The following MREG variants were observed in gnomAD, a reference collection of about 807,000 sequenced individuals.
MREG encodes the protein melanoregulin.
A neutral mutation model predicts 28.5 loss-of-function variants in MREG; 31 were observed. The observed-to-expected ratio is 1.09, with a 90% CI of 0.82 to 1.47. The LOEUF is 1.47. Among genes scored for constraint, MREG ranks in the 40% most tolerant of loss-of-function variants. The pLI is 0.00. For missense variants in MREG, 256 were observed against 257.4 expected (o/e 0.99, Z 0.04); for synonymous variants, 106 against 95.2 (o/e 1.11, Z -0.66).
At chr2:215,976,478 T>C (rs1693263735) in intron 2 of MREG, among the ~76,000 whole-genome samples, 1 of 152,188 alleles carries the variant, frequency 6.6e-6, no homozygotes, top group Non-Finnish European at 1.5e-5. Context: ...GAAATCACCA[T>C]CTACCACCAT....
At chr2:215,976,616 G>A (rs1693268213) in intron 2 of MREG, among the ~76,000 whole-genome samples, 1 of 152,188 alleles carries the variant, frequency 6.6e-6, no homozygotes, top group Admixed American at 6.5e-5. Flanking sequence ...AGCAACATCT[G>A]GAGTACAGGG....
At chr2:216,032,823 T>G (rs2105936793) in exon 1 of MREG, 1 of 152,316 alleles carries the variant, frequency 6.6e-6, no homozygotes, top group East Asian at 1.9e-4. Context: ...TTCCTGCTGG[T>G]TGGTCTTATT....
chr2:216,008,590 G>A (rs1434305107), intron 1 of MREG, among the ~76,000 whole-genome samples: 2 of 152,202 alleles, frequency 1.3e-5, no homozygotes, highest in Non-Finnish European at 2.9e-5. Flanking sequence ...GCCCTCTGCA[G>A]GCAATGAATG....
chr2:215,996,367 T>C lies in MREG; in HGVS notation c.194A>G (p.Asp65Gly). Residue 65 changes from aspartate (D) to glycine (G), a missense_variant, in exon 2 of 5, where the codon GAC becomes GGC. By Grantham distance (94) the Asp-to-Gly change is moderately conservative. Transcript: ENST00000263268. Reference sequence around the variant, plus strand: ...CAAATTGTACAGGGTTCTGTCGTCGTCTGCCTCTGTGTGGGACACATCATG... The same window carrying C: ...CAAATTGTACAGGGTTCTGTCGTCGCCTGCCTCTGTGTGGGACACATCATG... ...MPHDVSHTEA[D>G]DDRTLYNLIV... The C allele has an allele frequency of 6.2e-7, 1 of 1,614,076 alleles. No individual in the cohort carries two copies. The highest frequency in any genetic ancestry group is 8.5e-7 in the Non-Finnish European group (1 of 1,179,906).
At chr2:215,955,983 C>T (rs1446308762) in intron 2 of MREG, among the ~76,000 whole-genome samples, 1 of 152,170 alleles carries the variant, frequency 6.6e-6, no homozygotes, top group Non-Finnish European at 1.5e-5. Context: ...TGATTTTTAT[C>T]AGTGACTCGA....
chr2:215,998,738 G>A (rs1005303398), intron 1 of MREG, among the ~76,000 whole-genome samples: 1 of 151,624 alleles, frequency 6.6e-6, no homozygotes, highest in Non-Finnish European at 1.5e-5. Flanking sequence ...GAACTTTTAT[G>A]AGCATGTCAA....
At chr2:215,966,496 G>A (rs1692943068) in intron 2 of MREG, among the ~76,000 whole-genome samples, 1 of 151,982 alleles carries the variant, frequency 6.6e-6, no homozygotes, top group African/African-American at 2.4e-5. Flanking sequence ...TGGTCACACT[G>A]ACACTTTAAT....
upstream of MREG, among the ~76,000 whole-genome samples, chr2:216,017,675 T>G (rs1408842546): frequency 6.6e-6 from 1 of 152,174 alleles, no homozygotes; most frequent in Non-Finnish European, 1.5e-5. Context: ...CATCAGCTGC[T>G]TGTTTCCAAG....
chr2:215,998,965 G>A (rs1693943158), intron 1 of MREG, among the ~76,000 whole-genome samples: 4 of 152,192 alleles, frequency 2.6e-5, no homozygotes, highest in Admixed American at 1.3e-4. Context: ...GAAGTGATAC[G>A]TTATGTATGA....
At chr2:215,978,456 A>G (rs1210888364) in intron 2 of MREG, among the ~76,000 whole-genome samples, 1 of 152,228 alleles carries the variant, frequency 6.6e-6, no homozygotes, top group Non-Finnish European at 1.5e-5. Context: ...CCAGAGGTAC[A>G]AAGAGGAGCT....
chr2:216,024,974 A>G (rs538293722), intron 1 of MREG, among the ~76,000 whole-genome samples: 2 of 151,324 alleles, frequency 1.3e-5, no homozygotes, highest in East Asian at 1.9e-4. Context: ...AAAGGAAAGG[A>G]AAAAGGAAAA....
At chr2:215,972,288 A>G (rs1356833064) in intron 2 of MREG, among the ~76,000 whole-genome samples, 3 of 152,230 alleles carry the variant, frequency 2.0e-5, no homozygotes, top group Non-Finnish European at 4.4e-5. Flanking sequence ...GCCTATTTAG[A>G]AAACCTCTCC....
At chr2:216,028,527 C>CA (rs1191138312) in intron 1 of MREG, among the ~76,000 whole-genome samples, 18,208 of 61,532 alleles carry the variant, frequency 0.3, 2,124 homozygotes, top group Non-Finnish European at 0.36. Flanking sequence ...GACTCCATCT[C>CA]AAAAAAAAAA....
chr2:215,993,666 A>G (rs190702137), intron 2 of MREG, among the ~76,000 whole-genome samples: 14 of 152,346 alleles, frequency 9.2e-5, no homozygotes, highest in African/African-American at 3.4e-4. Context: ...CAATCTATCT[A>G]TCTGACAAAG....
At chr2:216,022,426 G>T (rs866946466) in intron 1 of MREG, among the ~76,000 whole-genome samples, 1 of 152,002 alleles carries the variant, frequency 6.6e-6, no homozygotes, top group African/African-American at 2.4e-5. Flanking sequence ...TAACTATGCT[G>T]CAATCTCTAA....
In MREG at chr2:215,991,688, T is replaced by A. The variant is rs139184354; in HGVS notation, c.255+4618A>T. ...AGAAAAGAGAGAATAACCAAACAGATGCAATGAAAAATGATAAAGGTGAGA... is the reference window on the plus strand; with the variant it reads ...AGAAAAGAGAGAATAACCAAACAGAAGCAATGAAAAATGATAAAGGTGAGA... On this transcript the variant is annotated intron_variant, in intron 2 of 4. Coordinates refer to ENST00000263268, the MANE Select transcript of MREG (RefSeq NM_018000.3). 2.2e-3 allele frequency among the ~76,000 whole-genome samples: 329 copies of A among 151,128 alleles called. 2 individuals carry two copies. The highest frequency in any genetic ancestry group is 7.0e-3 in the African/African-American group (286 of 41,130).
At chr2:216,024,339 C>G (rs1266335288) in intron 1 of MREG, among the ~76,000 whole-genome samples, 1 of 151,962 alleles carries the variant, frequency 6.6e-6, no homozygotes, top group African/African-American at 2.4e-5. Flanking sequence ...AAGTTCAAGA[C>G]CAGCCTGGTC....
At chr2:215,941,532 T>C (rs1692197167), downstream of MREG, among the ~76,000 whole-genome samples, 1 of 152,170 alleles carries the variant, frequency 6.6e-6, no homozygotes, top group South Asian at 2.1e-4. Flanking sequence ...CAGTGTACAG[T>C]TATCCAAGTA....
Position 216,013,504 on chromosome 2 carries a change from A to G in MREG, c.-177T>C. 5.3e-6 allele frequency: 1 copy of G among 189,006 alleles called. No homozygotes were observed. Among genetic ancestry groups the G allele is most frequent in the Non-Finnish European group, 1.1e-5 (1 of 93,434 alleles). The allele number at this position is 189,006 out of a possible 1,614,324, so 11.7% of individuals were successfully genotyped here. A position where few individuals can be genotyped will look rare whatever the true frequency, so the allele number is the denominator to read the frequency against. ...GGCCGGGGACGCGGGCGAGGGCTGCAGGCCGCGCGCCCTCCTCTCCTTGCG... is the reference window on the plus strand; with the variant it reads ...GGCCGGGGACGCGGGCGAGGGCTGCGGGCCGCGCGCCCTCCTCTCCTTGCG... On this transcript the variant is annotated 5_prime_UTR_variant, in exon 1 of 5. Transcript: ENST00000263268.
Sources: allele counts gnomAD v4.1 joint callset (sites outside exome capture counted in the v4.1 genomes callset), GRCh38; gene constraint gnomAD v4.1.1; transcripts MANE v1.5; gene names NCBI Gene and HGNC (gene_info 2026-07-23, HGNC 2026-07-21).